The following SH3D19 variants were observed in gnomAD, a reference collection of about 807,000 sequenced individuals.
The protein encoded by SH3D19 is SH3 domain-containing protein 19.
Under a neutral mutation model 112.1 loss-of-function variants are expected in SH3D19, and 58 were observed. The observed-to-expected ratio is 0.52, with a 90% CI of 0.42 to 0.64. The LOEUF (loss-of-function observed/expected upper bound fraction) is 0.64, where lower values mean the gene tolerates loss of function less well. Among genes scored for constraint, SH3D19 ranks in the 30% least tolerant of loss-of-function variants. SH3D19 has a pLI of 0.00. For missense variants in SH3D19, 1,090 were observed against 1,263.4 expected (o/e 0.86, Z 2.08); for synonymous variants, 391 against 448.5 (o/e 0.87, Z 1.62).
At chr4:151,237,694 C>T (rs1770233573) in intron 1 of SH3D19, among the ~76,000 whole-genome samples, 1 of 152,130 alleles carries the variant, frequency 6.6e-6, no homozygotes, top group Non-Finnish European at 1.5e-5. Flanking sequence ...AGTATATTTG[C>T]TATGAGTAAG....
intron 7 of SH3D19, chr4:151,170,876 C>T (rs1185065442): frequency 6.6e-6 from 1 of 152,232 alleles, no homozygotes. Context: ...AAAAGACACA[C>T]TTTGTACCAC....
Position 151,137,180 on chromosome 4 carries a change from A to G in SH3D19, c.2427+552T>C, listed in dbSNP as rs1198227924. ...GGTATAAAAATTCTGGTGCTTTAAT[A>G]TAATTTTCCTAATCAGATTAGAAAT... On this transcript the variant is annotated intron_variant, in intron 14 of 19. Coordinates refer to ENST00000604030, the MANE Select transcript of SH3D19 (RefSeq NM_001378122.1). Among the ~76,000 whole-genome samples the G allele has an allele frequency of 3.3e-5, 5 of 152,248 alleles. No individual in the cohort carries two copies. In the East Asian group the frequency reaches 5.8e-4, roughly 18 times the overall value.
chr4:151,255,446 GCTC>G (rs1243335541), intron 1 of SH3D19, among the ~76,000 whole-genome samples: 3 of 151,688 alleles, frequency 2.0e-5, no homozygotes, highest in African/African-American at 7.3e-5. Flanking sequence ...GGGCAGAGAC[GCTC>G]CTCACTTCCT....
intron 1 of SH3D19, among the ~76,000 whole-genome samples, chr4:151,320,756 A>C (rs1222586314): frequency 6.6e-6 from 1 of 152,130 alleles, no homozygotes; most frequent in East Asian, 1.9e-4. Context: ...CAAAAAAAAC[A>C]GAACCGGGCA....
intron 3 of SH3D19, among the ~76,000 whole-genome samples, chr4:151,183,012 G>A (rs1282619130): frequency 2.2e-5 from 3 of 137,624 alleles, no homozygotes; most frequent in Non-Finnish European, 4.7e-5. Context: ...TTCTTTTTGA[G>A]CTGGGGTCTC....
chr4:151,171,776 T>C (rs1759107474), intron 7 of SH3D19, among the ~76,000 whole-genome samples: 1 of 152,230 alleles, frequency 6.6e-6, no homozygotes, highest in South Asian at 2.1e-4. Context: ...ACTATTATTC[T>C]GGTCTGTGTA....
intron 1 of SH3D19, among the ~76,000 whole-genome samples, chr4:151,271,452 G>T (rs1340418287): frequency 6.6e-6 from 1 of 152,232 alleles, no homozygotes; most frequent in Non-Finnish European, 1.5e-5. Flanking sequence ...CTTTACAGCA[G>T]TGGTTCTCCC....
chr4:151,283,248 T>G, intron 1 of SH3D19: 2 of 1,613,784 alleles, frequency 1.2e-6, no homozygotes, highest in Non-Finnish European at 1.7e-6. Context: ...AGACAAGATT[T>G]GTGCTGGTGA....
chr4:151,154,023 G>A (rs910341502), intron 9 of SH3D19, among the ~76,000 whole-genome samples: 10 of 151,724 alleles, frequency 6.6e-5, no homozygotes, highest in Admixed American at 2.0e-4. Flanking sequence ...GTGCAGTGGC[G>A]CGATCTCGGC....
intron 1 of SH3D19, among the ~76,000 whole-genome samples, chr4:151,233,582 T>C (rs972330099): frequency 2.0e-5 from 3 of 152,202 alleles, no homozygotes; most frequent in Non-Finnish European, 4.4e-5. Context: ...AAAGGACTTT[T>C]ATGATGACAC....
At chr4:151,156,144 A>G (rs1240177315) in intron 9 of SH3D19, among the ~76,000 whole-genome samples, 1 of 152,212 alleles carries the variant, frequency 6.6e-6, no homozygotes, top group Non-Finnish European at 1.5e-5. Flanking sequence ...GGAAAACTAC[A>G]AAATACCGAT....
At position 151,175,682 on chromosome 4, in the gene SH3D19, G is replaced by T; in HGVS notation, c.530-8C>A. 8.0e-7 allele frequency: 1 copy of T among 1,242,694 alleles called. No individual in the cohort carries two copies. Among genetic ancestry groups the T allele is most frequent in the Non-Finnish European group, 1.0e-6 (1 of 994,828 alleles). 77.0% of individuals were successfully genotyped at this position (1,242,694 alleles called of 1,614,324 possible). ...TGAGAGGTGCCTGTAGTGCTGACGA[G>T]ACCAAAACAAAACCAAAACAAATAA... On this transcript the variant is annotated splice_region_variant and splice_polypyrimidine_tract_variant and intron_variant, in intron 6 of 19. Transcript: ENST00000604030.
chr4:151,132,312 A>T lies in SH3D19; in HGVS notation c.2742+19T>A, dbSNP rs769601402. On this transcript the variant is annotated intron_variant, in intron 17 of 19. Coordinates refer to ENST00000604030, the MANE Select transcript of SH3D19 (RefSeq NM_001378122.1). ...TCTGAACCTGGCTGTCACTATAGTC[A>T]TCTGTTCAAGCAGCCTACCTGAGAG... is the stretch of plus-strand genomic sequence containing the variant. 2.5e-6 allele frequency: 4 copies of T among 1,612,198 alleles called. No homozygotes were observed. Among genetic ancestry groups the T allele is most frequent in the African/African-American group, 2.7e-5 (2 of 74,888 alleles).
chr4:151,283,600 C>G (rs186154257), intron 1 of SH3D19, among the ~76,000 whole-genome samples: 1 of 150,926 alleles, frequency 6.6e-6, no homozygotes, highest in African/African-American at 2.4e-5. Context: ...TTACTACAGC[C>G]TCCAGCTCCT....
intron 1 of SH3D19, among the ~76,000 whole-genome samples, chr4:151,241,465 G>A (rs146824430): frequency 2.0e-5 from 3 of 151,618 alleles, no homozygotes; most frequent in East Asian, 1.9e-4. Context: ...TAAAACGTTC[G>A]GGTTTCTTTA....
At chr4:151,311,857 A>G (rs1729491798) in intron 1 of SH3D19, among the ~76,000 whole-genome samples, 1 of 152,146 alleles carries the variant, frequency 6.6e-6, no homozygotes. Context: ...AAAGAACCAG[A>G]GAGCAGAAGG....
chr4:151,166,797 C>T lies in SH3D19; in HGVS notation c.1535-1101G>A, dbSNP rs879839352. 3.3e-5 allele frequency among the ~76,000 whole-genome samples: 5 copies of T among 152,116 alleles called. No homozygotes were observed. In the South Asian group the frequency reaches 8.3e-4, roughly 25 times the overall value. On this transcript the variant is annotated intron_variant, in intron 7 of 19. Coordinates refer to ENST00000604030, the MANE Select transcript of SH3D19 (RefSeq NM_001378122.1). ...TTGCTGAGCAGCTCTTTGCAGGATA[C>T]GTGAAGGGCTGAGCTAAGAATAAAA...
intron 9 of SH3D19, among the ~76,000 whole-genome samples, chr4:151,150,420 T>C (rs1180525770): frequency 6.7e-6 from 1 of 150,002 alleles, no homozygotes; most frequent in African/African-American, 2.4e-5. Flanking sequence ...TTTAAACACA[T>C]AGTAAGAGGG....
chr4:151,259,369 T>C (rs967181303), intron 1 of SH3D19: 1 of 152,202 alleles, frequency 6.6e-6, no homozygotes, highest in African/African-American at 2.4e-5. Context: ...GGAATCTGTG[T>C]AAGGAGGAAA....
Sources: gnomAD v4.1 joint callset for allele counts (sites outside exome capture counted in the v4.1 genomes callset) on GRCh38, gnomAD v4.1.1 for gene constraint, MANE v1.5 for transcripts, NCBI Gene and HGNC (gene_info 2026-07-23, HGNC 2026-07-21) for gene names.